MTMR7: variants seen among roughly 807,000 people sequenced by gnomAD.
MTMR7 encodes phosphatidylinositol-3-phosphate phosphatase MTMR7.
MTMR7 carries 76 observed loss-of-function variants against 81.2 expected under a neutral mutation model. That is an observed-to-expected ratio of 0.94 (90% CI 0.78 to 1.13). The LOEUF is 1.13. Among genes scored for constraint, MTMR7 ranks in the 50% most tolerant of loss-of-function variants. The probability of loss-of-function intolerance (pLI) is 0.00; values close to 1 mark genes in which losing one functional copy is unlikely to be tolerated. For missense variants in MTMR7, 1,044 were observed against 820.0 expected, an observed-to-expected ratio of 1.27 and a Z score of -3.34; for synonymous variants, 372 against 289.8, an observed-to-expected ratio of 1.28 and a Z score of -2.88.
In MTMR7 at chr8:17,413,294, G is replaced by T; in HGVS notation, c.-2C>A. On this transcript the variant is annotated 5_prime_UTR_variant, in exon 1 of 14. Transcript: ENST00000180173. ...CTTGGGCGTACGGATGTGCTCCATG[G>T]CTGGCCCACGTCTGCAGGGTCCCGG... is the stretch of plus-strand genomic sequence containing the variant. The T allele has an allele frequency of 1.9e-6, 3 of 1,545,906 alleles. No homozygotes were observed. Among genetic ancestry groups the T allele is most frequent in the South Asian group, 1.2e-5 (1 of 83,858 alleles).
At position 17,337,584 on chromosome 8, in the gene MTMR7, A is replaced by G. The variant is rs565704476; in HGVS notation, c.732+3779T>C. Reference sequence around the variant, plus strand: ...TTTTTTTGGAATTGACATTCAATACATGCTTGAAGACTTCATTGACTTTGT... The same window carrying G: ...TTTTTTTGGAATTGACATTCAATACGTGCTTGAAGACTTCATTGACTTTGT... On this transcript the variant is annotated intron_variant, in intron 6 of 13. Transcript: ENST00000180173. 6.6e-5 allele frequency among the ~76,000 whole-genome samples: 10 copies of G among 152,262 alleles called. No homozygotes were observed. In the South Asian group the frequency reaches 2.1e-3, roughly 32 times the overall value.
chr8:17,337,410 A>T (rs1819277534), intron 6 of MTMR7, among the ~76,000 whole-genome samples: 1 of 152,100 alleles, frequency 6.6e-6, no homozygotes, highest in Middle Eastern at 3.4e-3. Context: ...AGCTCAGCAA[A>T]GTCCCAGAAC....
At chr8:17,302,936 C>T (rs1237631161) in intron 12 of MTMR7, among the ~76,000 whole-genome samples, 1 of 151,904 alleles carries the variant, frequency 6.6e-6, no homozygotes, top group Admixed American at 6.6e-5. Flanking sequence ...GTCATGAACT[C>T]CTGACCTCAG....
intron 3 of MTMR7, among the ~76,000 whole-genome samples, chr8:17,369,588 T>G (rs1221804891): frequency 6.6e-6 from 1 of 152,068 alleles, no homozygotes; most frequent in Non-Finnish European, 1.5e-5. Context: ...TGATCTCTTT[T>G]CACTGTATTC....
At chr8:17,411,295 T>C (rs1477464520) in intron 1 of MTMR7, among the ~76,000 whole-genome samples, 1 of 152,214 alleles carries the variant, frequency 6.6e-6, no homozygotes, top group Admixed American at 6.5e-5. Flanking sequence ...AGTCCTTCCA[T>C]GTTAAGACGG....
chr8:17,399,059 C>T (rs1211738351), intron 1 of MTMR7, among the ~76,000 whole-genome samples: 9 of 151,812 alleles, frequency 5.9e-5, no homozygotes, highest in East Asian at 1.9e-4. Flanking sequence ...CTTTTGTCTA[C>T]GATCTGGAAC....
At chr8:17,387,321 G>T (rs570410105) in intron 1 of MTMR7, among the ~76,000 whole-genome samples, 1 of 152,304 alleles carries the variant, frequency 6.6e-6, no homozygotes, top group East Asian at 1.9e-4. Context: ...GTTTCAGCCA[G>T]GTTACGTGAA....
At chr8:17,358,538 T>C (rs1819965493) in intron 4 of MTMR7, among the ~76,000 whole-genome samples, 1 of 152,190 alleles carries the variant, frequency 6.6e-6, no homozygotes, top group Non-Finnish European at 1.5e-5. Flanking sequence ...ATGCGAAATT[T>C]CACACCTAAA....
At chr8:17,377,616 A>T (rs1820629292) in intron 1 of MTMR7, among the ~76,000 whole-genome samples, 1 of 152,168 alleles carries the variant, frequency 6.6e-6, no homozygotes, top group South Asian at 2.1e-4. Context: ...CAGATTTCAC[A>T]GTCAGTTTGT....
chr8:17,368,977 C>T (rs117031863), intron 3 of MTMR7, among the ~76,000 whole-genome samples: 3 of 152,356 alleles, frequency 2.0e-5, no homozygotes, highest in Non-Finnish European at 2.9e-5. Flanking sequence ...GGGATCCTCA[C>T]GGCGAGAGTC....
At chr8:17,399,983 T>A (rs998347705) in intron 1 of MTMR7, among the ~76,000 whole-genome samples, 1 of 152,208 alleles carries the variant, frequency 6.6e-6, no homozygotes, top group Non-Finnish European at 1.5e-5. Flanking sequence ...TCCATTTCTA[T>A]ATACATTTTA....
At chr8:17,318,059 G>A (rs1384880927) in intron 7 of MTMR7, among the ~76,000 whole-genome samples, 1 of 151,938 alleles carries the variant, frequency 6.6e-6, no homozygotes, top group Non-Finnish European at 1.5e-5. Flanking sequence ...ACATCAAACT[G>A]AGCTGTTAAA....
intron 3 of MTMR7, among the ~76,000 whole-genome samples, chr8:17,367,477 T>G: frequency 6.6e-6 from 1 of 152,192 alleles, no homozygotes; most frequent in Admixed American, 6.5e-5. Flanking sequence ...CTGATCTCAT[T>G]TGACCCACAA....
Position 17,397,045 on chromosome 8 carries a change from C to A in MTMR7, c.24+16224G>T, listed in dbSNP as rs572222661. On this transcript the variant is annotated intron_variant, in intron 1 of 13. Coordinates refer to ENST00000180173, the MANE Select transcript of MTMR7 (RefSeq NM_004686.5). ...CATTCATCATCTGCTGACAAAAGAG[C>A]TCGGGCCCTGAATAATGAGCAGTGA... Among the ~76,000 whole-genome samples the A allele has an allele frequency of 2.6e-5, 4 of 152,036 alleles. No homozygotes were observed. In the South Asian group the frequency reaches 8.3e-4, roughly 32 times the overall value.
intron 1 of MTMR7, among the ~76,000 whole-genome samples, chr8:17,382,923 A>T (rs183781165): frequency 6.6e-6 from 1 of 152,244 alleles, no homozygotes; most frequent in East Asian, 1.9e-4. Flanking sequence ...AGTGATTAGG[A>T]GAATGCAGTG....
intron 7 of MTMR7, among the ~76,000 whole-genome samples, chr8:17,316,142 G>A (rs193038953): frequency 6.6e-6 from 1 of 152,066 alleles, no homozygotes; most frequent in African/African-American, 2.4e-5. Context: ...TGTGGGCTTG[G>A]GCAGATTACT....
Position 17,304,400 on chromosome 8 carries a change from G to A in MTMR7, c.1472C>T (p.Thr491Ile). Reference sequence around the variant, plus strand: ...ATACTTGTACATGAAGTTACATGGTGTTGTAGGGAGATGAAGGGTTCCCTG... The same window carrying A: ...ATACTTGTACATGAAGTTACATGGTATTGTAGGGAGATGAAGGGTTCCCTG... ...QTQGTLHLPTTPCNFMYKFWS... is the reference protein window; with the variant it reads ...QTQGTLHLPTIPCNFMYKFWS... Residue 491 changes from threonine (T) to isoleucine (I), a missense_variant, in exon 12 of 14, where the codon ACA (threonine) becomes ATA (isoleucine). By Grantham distance (89) the Thr-to-Ile change is moderately conservative. Coordinates refer to ENST00000180173, the MANE Select transcript of MTMR7 (RefSeq NM_004686.5). The A allele has an allele frequency of 6.2e-7, 1 of 1,613,924 alleles. No individual in the cohort carries two copies. Among genetic ancestry groups the A allele is most frequent in the South Asian group, 1.1e-5 (1 of 91,072 alleles).
intron 3 of MTMR7, among the ~76,000 whole-genome samples, chr8:17,366,803 A>G (rs1466730215): frequency 1.3e-5 from 2 of 149,294 alleles, no homozygotes; most frequent in Non-Finnish European, 3.0e-5. Flanking sequence ...GAAGAATGGC[A>G]TGAACCTGAG....
chr8:17,303,687 G>A (rs746384408), intron 12 of MTMR7, among the ~76,000 whole-genome samples: 1 of 150,068 alleles, frequency 6.7e-6, no homozygotes, highest in Non-Finnish European at 1.5e-5. Flanking sequence ...TCGGCTCACC[G>A]CAACCTCCTC....
Sources: gnomAD v4.1 joint callset for allele counts (sites outside exome capture counted in the v4.1 genomes callset) on GRCh38, gnomAD v4.1.1 for gene constraint, MANE v1.5 for transcripts, NCBI Gene and HGNC (gene_info 2026-07-23, HGNC 2026-07-21) for gene names.